Variants in STK32B observed in about 807,000 individuals in gnomAD.
STK32B encodes serine/threonine kinase 32B.
A neutral mutation model predicts 52.6 loss-of-function variants in STK32B; 43 were observed. That is an observed-to-expected ratio of 0.82 (90% confidence interval 0.64 to 1.05). The LOEUF is 1.05. Among genes scored for constraint, STK32B ranks in the 50% least tolerant of loss-of-function variants. The pLI is 0.00. For synonymous variants in STK32B, 238 were observed against 204.3 expected (o/e 1.17, Z -1.41); for missense variants, 621 against 534.6 (o/e 1.16, Z -1.59).
At chr4:5,242,895 C>G (rs964679638) in intron 3 of STK32B, among the ~76,000 whole-genome samples, 1 of 151,998 alleles carries the variant, frequency 6.6e-6, no homozygotes, top group African/African-American at 2.4e-5. Flanking sequence ...TGTAGGTATG[C>G]GGCATTATTT....
chr4:5,483,618 G>A (rs1420915184), intron 11 of STK32B, among the ~76,000 whole-genome samples: 3 of 151,840 alleles, frequency 2.0e-5, no homozygotes, highest in South Asian at 2.1e-4. Context: ...GTTATTTCTT[G>A]CCTTCTGCTA....
chr4:5,367,491 G>A (rs191311475), intron 4 of STK32B, among the ~76,000 whole-genome samples: 7 of 151,826 alleles, frequency 4.6e-5, no homozygotes, highest in East Asian at 1.9e-4. Context: ...CTGGGGGGTC[G>A]CTGAGTAGGA....
At chr4:5,082,827 C>T (rs1712512486) in intron 1 of STK32B, among the ~76,000 whole-genome samples, 1 of 151,882 alleles carries the variant, frequency 6.6e-6, no homozygotes, top group Non-Finnish European at 1.5e-5. Flanking sequence ...TTAAATTTTG[C>T]TTTATTTCCC....
intron 4 of STK32B, among the ~76,000 whole-genome samples, chr4:5,373,431 A>G (rs746971948): frequency 5.3e-5 from 8 of 152,228 alleles, no homozygotes; most frequent in Non-Finnish European, 7.3e-5. Context: ...TAAAAAGCCA[A>G]TATCTCAGTT....
At chr4:5,278,867 G>T (rs1363333101) in intron 3 of STK32B, among the ~76,000 whole-genome samples, 1 of 152,120 alleles carries the variant, frequency 6.6e-6, no homozygotes, top group Non-Finnish European at 1.5e-5. Context: ...AGCAAATGGG[G>T]AAGCACTACA....
intron 1 of STK32B, among the ~76,000 whole-genome samples, chr4:5,096,610 C>T (rs1038743291): frequency 2.0e-5 from 3 of 152,174 alleles, no homozygotes; most frequent in Admixed American, 6.5e-5. Flanking sequence ...CTTTGGTCAG[C>T]GACAACCTTA....
intron 1 of STK32B, among the ~76,000 whole-genome samples, chr4:5,137,507 G>T (rs1294200826): frequency 7.2e-6 from 1 of 139,234 alleles, no homozygotes; most frequent in Non-Finnish European, 1.6e-5. Flanking sequence ...GAGGGGAATT[G>T]CTCCTCACCC....
chr4:5,308,269 G>A (rs1373557045), intron 3 of STK32B, among the ~76,000 whole-genome samples: 1 of 152,132 alleles, frequency 6.6e-6, no homozygotes, highest in Non-Finnish European at 1.5e-5. Flanking sequence ...CCTTGAAAAG[G>A]TCTGTGGATT....
chr4:5,255,878 T>C (rs1726260625), intron 3 of STK32B, among the ~76,000 whole-genome samples: 1 of 152,204 alleles, frequency 6.6e-6, no homozygotes, highest in African/African-American at 2.4e-5. Context: ...ATAAAGCTGC[T>C]GTGCACATTC....
Position 5,288,832 on chromosome 4 carries a change from C to T in STK32B, c.261-42388C>T, listed in dbSNP as rs539332056. Reference sequence around the variant, plus strand: ...TGAAAACCTACACCTATGTTTTGTTCTGAAATAATCTGTCAGCACAAAACA... The same window carrying T: ...TGAAAACCTACACCTATGTTTTGTTTTGAAATAATCTGTCAGCACAAAACA... On this transcript the variant is annotated intron_variant, in intron 3 of 11. Transcript: ENST00000282908. Among the ~76,000 whole-genome samples, 261 of 152,184 alleles carry T rather than the reference C, an allele frequency of 1.7e-3. 1 individual carries two copies. The highest frequency in any genetic ancestry group is 3.4e-3 in the Non-Finnish European group (232 of 67,994).
chr4:5,153,254 A>T (rs1717520109), intron 2 of STK32B, among the ~76,000 whole-genome samples: 1 of 152,164 alleles, frequency 6.6e-6, no homozygotes. Context: ...AGGCTTCCAG[A>T]TTGGGGAGGT....
chr4:5,249,491 CT>C lies in STK32B; in HGVS notation c.260+81043del, dbSNP rs1240339051. Among the ~76,000 whole-genome samples, 100 of 144,420 alleles carry C rather than the reference CT, an allele frequency of 6.9e-4. 1 individual carries two copies. Among genetic ancestry groups the C allele is most frequent in the East Asian group, 2.9e-3 (14 of 4,886 alleles). The allele number at this position is 144,420 out of a possible 152,430, so 94.7% of individuals were successfully genotyped here. On this transcript the variant is annotated intron_variant, in intron 3 of 11. Transcript: ENST00000282908. Reference sequence around the variant, plus strand: ...CCTTCCTTCCTTCCTTCCTTCCTTCCTTCCTTCCTTCCTCCCTCCCTTCCTT... The same window carrying C: ...CCTTCCTTCCTTCCTTCCTTCCTTCCTCCTTCCTTCCTCCCTCCCTTCCTT...
intron 5 of STK32B, among the ~76,000 whole-genome samples, chr4:5,415,607 G>A (rs952245075): frequency 2.0e-5 from 3 of 152,176 alleles, no homozygotes; most frequent in Non-Finnish European, 4.4e-5. Flanking sequence ...ACCTGGTTGG[G>A]TGACTTCAGC....
chr4:5,184,319 A>G (rs1019159266), intron 3 of STK32B, among the ~76,000 whole-genome samples: 1 of 152,132 alleles, frequency 6.6e-6, no homozygotes, highest in Admixed American at 6.5e-5. Flanking sequence ...AGGTAGGGGA[A>G]CAACCAGCGA....
intron 1 of STK32B, chr4:5,127,154 A>G (rs1443791884): frequency 2.0e-6 from 1 of 501,220 alleles, no homozygotes; most frequent in Admixed American, 2.0e-5. Context: ...CAATGATTAC[A>G]TTTTTACTTA....
In STK32B at chr4:5,469,809, CG is replaced by C. The variant is rs1717712756; in HGVS notation, c.1106+1744del. Among the ~76,000 whole-genome samples the C allele has an allele frequency of 6.6e-6, 1 of 152,170 alleles. No individual in the cohort carries two copies. Among genetic ancestry groups the C allele is most frequent in the Non-Finnish European group, 1.5e-5 (1 of 68,024 alleles). On this transcript the variant is annotated intron_variant, in intron 11 of 11. Transcript: ENST00000282908. The surrounding 1 kb of genome is among the most constrained non-coding windows in gnomAD (Gnocchi z 4.7). ...CACAGCCCATCAGACTTGGGGAAGA[CG>C]GGGGCTGATGTCGTGAGTGGTTTCG... is the stretch of plus-strand genomic sequence containing the variant.
chr4:5,201,528 G>A (rs1470827988), intron 3 of STK32B, among the ~76,000 whole-genome samples: 1 of 152,326 alleles, frequency 6.6e-6, no homozygotes, highest in East Asian at 1.9e-4. Flanking sequence ...GAAAGGAGAA[G>A]AGCAGAAAAA....
chr4:5,061,671 A>G (rs1286533690), intron 1 of STK32B, among the ~76,000 whole-genome samples: 1 of 152,178 alleles, frequency 6.6e-6, no homozygotes, highest in Non-Finnish European at 1.5e-5. Context: ...TTAAATCCTC[A>G]CAGAGATTCA....
chr4:5,107,571 T>C (rs1423780429), intron 1 of STK32B, among the ~76,000 whole-genome samples: 1 of 152,188 alleles, frequency 6.6e-6, no homozygotes, highest in African/African-American at 2.4e-5. Flanking sequence ...AAGCCATCAA[T>C]GACCATTGCT....
Sources: gnomAD v4.1 joint callset for allele counts (sites outside exome capture counted in the v4.1 genomes callset) on GRCh38, gnomAD v4.1.1 for gene constraint, Gnocchi (gnomAD v3.1) non-coding constraint, MANE v1.5 for transcripts, NCBI Gene and HGNC (gene_info 2026-07-23, HGNC 2026-07-21) for gene names.